The following ANGPT1 variants were observed in gnomAD, a reference collection of about 807,000 sequenced individuals.
ANGPT1 encodes the protein angiopoietin-1.
ANGPT1 carries 17 observed loss-of-function variants against 62.2 expected under a neutral mutation model. That is an observed-to-expected ratio of 0.27 (90% CI 0.19 to 0.41). The LOEUF is 0.41. ANGPT1 is among the 10% of genes least tolerant of loss of function. The pLI, the probability that ANGPT1 is intolerant of heterozygous loss-of-function variation, is 1.00. For synonymous variants in ANGPT1, 199 were observed against 198.9 expected, an observed-to-expected ratio of 1.00 and a Z score of 0.00; for missense variants, 478 against 594.9, an observed-to-expected ratio of 0.80 and a Z score of 2.04.
intron 2 of ANGPT1, among the ~76,000 whole-genome samples, chr8:107,336,771 T>C (rs1312950752): frequency 6.6e-6 from 1 of 152,006 alleles, no homozygotes; most frequent in Non-Finnish European, 1.5e-5. Flanking sequence ...GAAATTGCAA[T>C]TGAACAAACA....
chr8:107,461,620 A>G (rs984527919), intron 1 of ANGPT1, among the ~76,000 whole-genome samples: 8 of 152,166 alleles, frequency 5.3e-5, no homozygotes, highest in African/African-American at 1.9e-4. Context: ...ACTTCACTGT[A>G]TTATGGATTT....
At chr8:107,410,706 T>A (rs1586299338) in intron 1 of ANGPT1, among the ~76,000 whole-genome samples, 1 of 152,174 alleles carries the variant, frequency 6.6e-6, no homozygotes. Context: ...ACATGTGACT[T>A]AACAAACAAA....
At chr8:107,475,613 C>A (rs1297929697) in intron 1 of ANGPT1, among the ~76,000 whole-genome samples, 3 of 152,252 alleles carry the variant, frequency 2.0e-5, no homozygotes, top group African/African-American at 7.2e-5. Flanking sequence ...ACAGCTTCTG[C>A]ACAGCAAAAG....
intron 1 of ANGPT1, among the ~76,000 whole-genome samples, chr8:107,352,475 G>A (rs1279870747): frequency 6.6e-6 from 1 of 152,156 alleles, no homozygotes; most frequent in African/African-American, 2.4e-5. Flanking sequence ...TCTCCATCAT[G>A]AGAGAGAATT....
At chr8:107,455,105 C>T (rs1198590047) in intron 1 of ANGPT1, among the ~76,000 whole-genome samples, 1 of 151,970 alleles carries the variant, frequency 6.6e-6, no homozygotes, top group Non-Finnish European at 1.5e-5. Context: ...GTCTCTTTCC[C>T]GCTTACTGAG....
intron 1 of ANGPT1, among the ~76,000 whole-genome samples, chr8:107,383,362 T>C (rs1169132457): frequency 2.0e-5 from 3 of 152,122 alleles, no homozygotes; most frequent in Non-Finnish European, 4.4e-5. Context: ...GCCAAAGCCA[T>C]AGCCAAAGCA....
At chr8:107,346,701 T>C (rs958655096) in intron 2 of ANGPT1, among the ~76,000 whole-genome samples, 1 of 152,122 alleles carries the variant, frequency 6.6e-6, no homozygotes, top group Non-Finnish European at 1.5e-5. Flanking sequence ...AATTTAAACA[T>C]TGATGAGGTC....
At position 107,337,583 on chromosome 8, in the gene ANGPT1, G is replaced by T. The variant is rs997666772; in HGVS notation, c.454-1312C>A. Among the ~76,000 whole-genome samples, 10 of 152,234 alleles carry T rather than the reference G, an allele frequency of 6.6e-5. 1 individual carries two copies. The East Asian group carries it at 1.9e-3, about 29-fold the overall frequency. ...AGGGAGGTATAAAACAAAGAAAGAA[G>T]ATAAATTAATTTTAAAAGCTCCTCA... On this transcript the variant is annotated intron_variant, in intron 2 of 8. Transcript: ENST00000517746.
intron 1 of ANGPT1, among the ~76,000 whole-genome samples, chr8:107,380,957 A>G (rs557839851): frequency 4.6e-5 from 7 of 152,222 alleles, no homozygotes; most frequent in Non-Finnish European, 1.0e-4. Flanking sequence ...ATCTCTGTTG[A>G]GAAGCTTGTT....
intron 1 of ANGPT1, among the ~76,000 whole-genome samples, chr8:107,388,124 G>A (rs1038125993): frequency 2.0e-5 from 3 of 152,070 alleles, no homozygotes; most frequent in African/African-American, 7.2e-5. Context: ...TTAGTAACAT[G>A]AATTGCATAC....
chr8:107,418,812 G>T (rs1449231413), intron 1 of ANGPT1, among the ~76,000 whole-genome samples: 1 of 152,142 alleles, frequency 6.6e-6, no homozygotes, highest in East Asian at 1.9e-4. Context: ...GTGGGCTCCA[G>T]CTCTTCCTTC....
intron 1 of ANGPT1, among the ~76,000 whole-genome samples, chr8:107,414,964 C>A (rs538924368): frequency 6.0e-4 from 92 of 152,210 alleles, no homozygotes; most frequent in African/African-American, 2.2e-3. Context: ...TTTGAACACA[C>A]AAAACAGATA....
At chr8:107,379,609 A>T (rs1166284489) in intron 1 of ANGPT1, among the ~76,000 whole-genome samples, 3 of 152,084 alleles carry the variant, frequency 2.0e-5, no homozygotes, top group African/African-American at 7.2e-5. Flanking sequence ...TATTGACACT[A>T]AACCTGTACC....
intron 3 of ANGPT1, among the ~76,000 whole-genome samples, chr8:107,333,498 AG>A (rs772537917): frequency 2.8e-4 from 42 of 152,214 alleles, no homozygotes; most frequent in Non-Finnish European, 5.0e-4. Flanking sequence ...TTACTAGAAA[AG>A]GAAATTGCTA....
chr8:107,277,618 C>A (rs961174463), intron 7 of ANGPT1, among the ~76,000 whole-genome samples: 20 of 152,242 alleles, frequency 1.3e-4, no homozygotes, highest in African/African-American at 4.3e-4. Context: ...AAAACCTTAA[C>A]AAGTGATTAA....
At chr8:107,331,271 A>G (rs1396549040) in intron 3 of ANGPT1, among the ~76,000 whole-genome samples, 12 of 152,216 alleles carry the variant, frequency 7.9e-5, no homozygotes, top group African/African-American at 2.9e-4. Context: ...TTAACTTAAT[A>G]ACTTCCCATA....
intron 1 of ANGPT1, among the ~76,000 whole-genome samples, chr8:107,369,067 C>A (rs1048948546): frequency 1.3e-5 from 2 of 152,138 alleles, no homozygotes; most frequent in African/African-American, 4.8e-5. Flanking sequence ...TAGAAAGCAT[C>A]TTCCTCAATA....
At chr8:107,443,554 A>G (rs1250888679) in intron 1 of ANGPT1, among the ~76,000 whole-genome samples, 1 of 152,010 alleles carries the variant, frequency 6.6e-6, no homozygotes, top group African/African-American at 2.4e-5. Flanking sequence ...CACGCCGGTA[A>G]TCCCAGCACT....
intron 1 of ANGPT1, among the ~76,000 whole-genome samples, chr8:107,496,623 A>G (rs996133893): frequency 1.1e-4 from 16 of 152,292 alleles, no homozygotes; most frequent in African/African-American, 3.1e-4. Flanking sequence ...CCTTTCCGAC[A>G]GTTAACATTA....
Sources: allele counts gnomAD v4.1 joint callset (sites outside exome capture counted in the v4.1 genomes callset), GRCh38; gene constraint gnomAD v4.1.1; transcripts MANE v1.5; gene names NCBI Gene and HGNC (gene_info 2026-07-23, HGNC 2026-07-21).